Variants in BLK observed in about 807,000 individuals in gnomAD.
The protein encoded by BLK is tyrosine-protein kinase Blk.
A neutral mutation model predicts 61.8 loss-of-function variants in BLK; 64 were observed. That is an observed-to-expected ratio of 1.03 (90% confidence interval 0.85 to 1.27). BLK has a LOEUF of 1.27. BLK is among the 50% of genes most tolerant of loss of function. BLK has a pLI of 0.00. For synonymous variants in BLK, 351 were observed against 272.0 expected (o/e 1.29, Z -2.86); for missense variants, 853 against 660.5 (o/e 1.29, Z -3.19).
intron 6 of BLK, among the ~76,000 whole-genome samples, chr8:11,554,393 G>A (rs1801082919): frequency 6.6e-6 from 1 of 152,140 alleles, no homozygotes; most frequent in Non-Finnish European, 1.5e-5. Context: ...AACGAGACTA[G>A]ATTTCTCAAT....
intron 1 of BLK, among the ~76,000 whole-genome samples, chr8:11,521,928 T>G (rs1345716256): frequency 6.6e-6 from 1 of 152,336 alleles, no homozygotes; most frequent in African/African-American, 2.4e-5. Flanking sequence ...ATGCATAAAA[T>G]TTTGAAAACC....
intron 1 of BLK, among the ~76,000 whole-genome samples, chr8:11,508,962 TC>T (rs1463473788): frequency 1.3e-5 from 2 of 151,640 alleles, no homozygotes; most frequent in Non-Finnish European, 2.9e-5. Context: ...ACTCATCAAT[TC>T]CCCCCAGCTG....
chr8:11,547,693 G>A (rs1458958510), intron 3 of BLK, among the ~76,000 whole-genome samples: 2 of 152,168 alleles, frequency 1.3e-5, no homozygotes, highest in African/African-American at 2.4e-5. Flanking sequence ...GAAGATGAGG[G>A]CTCCCAGCAC....
intron 9 of BLK, 37 bp from the exon 10 acceptor site, chr8:11,557,925 C>T (rs777588120): frequency 3.7e-6 from 6 of 1,605,766 alleles, no homozygotes; most frequent in Non-Finnish European, 5.1e-6. Flanking sequence ...GGGCGGGTCA[C>T]TTTGCAGAAG....
intron 1 of BLK, among the ~76,000 whole-genome samples, chr8:11,541,920 T>C (rs1800396364): frequency 1.3e-5 from 2 of 152,226 alleles, no homozygotes; most frequent in South Asian, 4.1e-4. Context: ...CATAAAGAAA[T>C]ACTTAGATAT....
In BLK at chr8:11,537,843, A is replaced by G. The variant is rs145883294; in HGVS notation, c.-1-5381A>G. Among the ~76,000 whole-genome samples, 125 of 152,286 alleles carry G rather than the reference A, an allele frequency of 8.2e-4. No homozygotes were observed. The East Asian group carries it at 0.022, about 27-fold the overall frequency. On this transcript the variant is annotated intron_variant, in intron 1 of 12. Transcript: ENST00000259089. ...TCTATTTTTAGTTGATGCCTCCACC[A>G]CACCCCTTGTTTGACTGAAGCTGTG...
intron 12 of BLK, 51 bp downstream of exon 12, chr8:11,563,161 T>C (rs914093088): frequency 1.9e-6 from 3 of 1,608,958 alleles, no homozygotes; most frequent in Non-Finnish European, 1.7e-6. Context: ...CGGCCGGCCC[T>C]GATGGCAGGT....
Position 11,550,084 on chromosome 8 carries a change from C to A in BLK, c.369-75C>A, listed in dbSNP as rs557650498. 3.8e-6 allele frequency: 5 copies of A among 1,306,156 alleles called. No individual in the cohort carries two copies. In the South Asian group the frequency reaches 5.9e-5, roughly 15 times the overall value. The allele number at this position is 1,306,156 out of a possible 1,614,324, so 80.9% of individuals were successfully genotyped here. On this transcript the variant is annotated intron_variant, in intron 5 of 12. Coordinates refer to ENST00000259089, the MANE Select transcript of BLK (RefSeq NM_001715.3). ...TTTTATTTCTTGGGGACAGGCAGTG[C>A]AGGAGGGAGGCTGTGTGGGAATACT...
chr8:11,539,485 C>A (rs749975749), intron 1 of BLK, among the ~76,000 whole-genome samples: 1 of 152,042 alleles, frequency 6.6e-6, no homozygotes, highest in Non-Finnish European at 1.5e-5. Context: ...ACTATTACTA[C>A]AACAAACATT....
intron 1 of BLK, among the ~76,000 whole-genome samples, chr8:11,507,589 G>A (rs1798825947): frequency 6.6e-6 from 1 of 152,250 alleles, no homozygotes; most frequent in African/African-American, 2.4e-5. Flanking sequence ...GTCCAGGTAA[G>A]GAGTGGCCAA....
At chr8:11,530,334 T>A (rs1486243962) in intron 1 of BLK, among the ~76,000 whole-genome samples, 1 of 152,204 alleles carries the variant, frequency 6.6e-6, no homozygotes, top group Non-Finnish European at 1.5e-5. Context: ...AAAGTGACAT[T>A]CTTTATTTGC....
Position 11,543,249 on chromosome 8 carries a change from C to T in BLK, c.25C>T (p.Pro9Ser). 6.2e-7 allele frequency: 1 copy of T among 1,613,936 alleles called. No homozygotes were observed. Among genetic ancestry groups the T allele is most frequent in the Non-Finnish European group, 8.5e-7 (1 of 1,179,994 alleles). ...GATGGGGCTGGTAAGTAGCAAAAAG[C>T]CGGACAAGGAAAAGCCGATCAAAGA... Reference protein sequence around the residue: MGLVSSKKPDKEKPIKEKD... With the variant: MGLVSSKKSDKEKPIKEKD... The change falls in exon 2 of 13, where the codon CCG (proline) becomes TCG (serine). Residue 9 changes from proline (P) to serine (S), a missense_variant. Physicochemically the swap from Pro to Ser is moderately conservative, Grantham distance 74 (BLOSUM62 -1). Coordinates refer to ENST00000259089, the MANE Select transcript of BLK (RefSeq NM_001715.3).
rs751901837 is a variant in BLK at position 11,561,367 on chromosome 8, C to T, written c.1095C>T (p.Asn365=). ...TCCACCGCGACCTGCGGGCGGCCAA[C>T]ATCCTGGTGTCTGAGGCCTTGTGCT... ...NSIHRDLRAA[N]ILVSEALCCK... is the part of the protein sequence containing the mutation. Residue 365 remains asparagine (N), a synonymous_variant, in exon 11 of 13, where the codon AAC becomes AAT. Transcript: ENST00000259089. The T allele has an allele frequency of 1.9e-6, 3 of 1,614,186 alleles. No individual in the cohort carries two copies. The South Asian group carries it at 3.3e-5, about 18-fold the overall frequency.
rs549318552 is a variant in BLK, at chr8:11,503,853, G to A, written c.-2+9262G>A. On this transcript the variant is annotated intron_variant, in intron 1 of 12. Coordinates refer to ENST00000259089, the MANE Select transcript of BLK (RefSeq NM_001715.3). The stretch of plus-strand genomic sequence containing the variant: ...TCTTCCACCCTCCCCTGCTGGTCAA[G>A]TGCATCTTTCCAGGTTCCGGCACTC... Among the ~76,000 whole-genome samples, 13 of 152,306 alleles carry A rather than the reference G, an allele frequency of 8.5e-5. No individual in the cohort carries two copies. In the South Asian group the frequency reaches 2.1e-3, roughly 24 times the overall value.
chr8:11,556,896 G>A (rs1801262378), intron 9 of BLK, 59 bp downstream of exon 9: 2 of 1,574,396 alleles, frequency 1.3e-6, no homozygotes, highest in East Asian at 2.3e-5. Context: ...GGCTTAGCAG[G>A]AGGAGGAGGG....
At chr8:11,516,866 G>A (rs1799249977) in intron 1 of BLK, among the ~76,000 whole-genome samples, 1 of 152,224 alleles carries the variant, frequency 6.6e-6, no homozygotes, top group Admixed American at 6.5e-5. Flanking sequence ...TAGCCACTGA[G>A]CAACACTGCT....
chr8:11,552,533 T>A (rs949855494), intron 6 of BLK: 20 of 152,282 alleles, frequency 1.3e-4, no homozygotes, highest in African/African-American at 4.8e-4. Context: ...ATTTCAAACA[T>A]ACACAGAAGT....
At chr8:11,498,462 T>C (rs1173992990) in intron 1 of BLK, among the ~76,000 whole-genome samples, 1 of 152,192 alleles carries the variant, frequency 6.6e-6, no homozygotes, top group Non-Finnish European at 1.5e-5. Flanking sequence ...CCCAAAATAT[T>C]TGGAATCACA....
intron 1 of BLK, among the ~76,000 whole-genome samples, chr8:11,533,100 A>C (rs904848541): frequency 0.027 from 43 of 1,618 alleles, no homozygotes; most frequent in African/African-American, 0.032. Flanking sequence ...ATTAGTATTC[A>C]TGTTTTATGT....
Sources: gnomAD v4.1 joint callset for allele counts (sites outside exome capture counted in the v4.1 genomes callset) on GRCh38, gnomAD v4.1.1 for gene constraint, MANE v1.5 for transcripts, NCBI Gene and HGNC (gene_info 2026-07-23, HGNC 2026-07-21) for gene names.